Variants in BRSK1 observed in about 807,000 individuals in gnomAD.
BRSK1 encodes BR serine/threonine kinase 1, also known as serine/threonine-protein kinase BRSK1.
Under a neutral mutation model 86.2 loss-of-function variants are expected in BRSK1, and 17 were observed. The observed-to-expected ratio is 0.20, with a 90% CI of 0.14 to 0.30. The LOEUF (loss-of-function observed/expected upper bound fraction) is 0.30, where lower values mean the gene tolerates loss of function less well. Ranked by LOEUF, BRSK1 falls within the 10% of genes least tolerant of loss-of-function variation. BRSK1 has a pLI of 1.00. For missense variants in BRSK1, 719 were observed against 1,071.9 expected (o/e 0.67, Z 4.60); for synonymous variants, 464 against 440.1 (o/e 1.05, Z -0.68).
Position 55,284,025 on chromosome 19 carries a change from A to G in BRSK1, c.-418A>G. 2 of 1,234,368 alleles carry G rather than the reference A, an allele frequency of 1.6e-6. No individual in the cohort carries two copies. Among genetic ancestry groups the G allele is most frequent in the Non-Finnish European group, 1.0e-6 (1 of 989,842 alleles). 76.5% of individuals were successfully genotyped at this position (1,234,368 alleles called of 1,614,324 possible). A position where few individuals can be genotyped will look rare whatever the true frequency, so the allele number is the denominator to read the frequency against. On this transcript the variant is annotated 5_prime_UTR_variant, in exon 1 of 19. Transcript: ENST00000309383. ...TGGTGATGTCAGCGTGCCGGAGAGA[A>G]AGGACGAGGTGGCGGGGGGAGGCGG...
At position 55,311,937 on chromosome 19, in the gene BRSK1, C is replaced by T. The variant is rs1421891468; in HGVS notation, c.2206C>T (p.Pro736Ser). ...ADEKNGAQTR[P>S]AGAPPRSLQP... ...CGAGAAGAACGGGGCCCAGACCCGG[C>T]CTGCTGGTGCCCCACCCCGAAGCCT... Residue 736 changes from proline to serine, a missense_variant, in exon 19 of 19, where the codon CCT becomes TCT. This residue lies in a region of BRSK1 where 82 missense variants were observed against 72.6 expected (regional missense o/e 1.13). Coordinates refer to ENST00000309383, the MANE Select transcript of BRSK1 (RefSeq NM_032430.2). 6.2e-7 allele frequency: 1 copy of T among 1,611,502 alleles called. No individual in the cohort carries two copies. The highest frequency in any genetic ancestry group is 1.1e-5 in the South Asian group (1 of 90,938).
chr19:55,302,478 G>A lies in BRSK1; in HGVS notation c.858-219G>A, dbSNP rs563434562. 3.7e-4 allele frequency: 236 copies of A among 640,330 alleles called. No homozygotes were observed. The highest frequency in any genetic ancestry group is 5.8e-4 in the Non-Finnish European group (218 of 375,344). 39.7% of individuals were successfully genotyped at this position (640,330 alleles called of 1,614,324 possible). ...TTCTGGGTCTGAAGAAGGAGGGGCC[G>A]GGGGCCTGGACCCCTCGGTCGGAGG... On this transcript the variant is annotated intron_variant, in intron 9 of 18. Transcript: ENST00000309383. The surrounding 1 kb of genome is among the most constrained non-coding windows in gnomAD (Gnocchi z 6.3).
At chr19:55,300,675 TTAAAAA>T (rs1263899116) in intron 7 of BRSK1, among the ~76,000 whole-genome samples, 4 of 152,036 alleles carry the variant, frequency 2.6e-5, no homozygotes, top group African/African-American at 9.7e-5. Flanking sequence ...CCCGTCTCTA[TTAAAAA>T]TAAAAAAATT....
At position 55,284,288 on chromosome 19, in the gene BRSK1, G is replaced by T. The variant is rs1055177235; in HGVS notation, c.-155G>T. ...CCCCCAGCTCCGCGGCCCGCCGACT[G>T]GGGGGGGCCAGCCCAGCCCCCTGGG... On this transcript the variant is annotated 5_prime_UTR_variant, in exon 1 of 19. Transcript: ENST00000309383. 1.5e-4 allele frequency: 87 copies of T among 580,906 alleles called. No individual in the cohort carries two copies. Among genetic ancestry groups the T allele is most frequent in the Admixed American group, 2.3e-4 (5 of 21,776 alleles). 36.0% of individuals were successfully genotyped at this position (580,906 alleles called of 1,614,324 possible). A position where few individuals can be genotyped will look rare whatever the true frequency, so the allele number is the denominator to read the frequency against.
In BRSK1 at chr19:55,301,418, CCCTTA is replaced by C; in HGVS notation, c.679-93_679-89del. 6 of 1,459,374 alleles carry C rather than the reference CCCTTA, an allele frequency of 4.1e-6. No individual in the cohort carries two copies. The East Asian group carries it at 1.4e-4, about 35-fold the overall frequency. 90.4% of individuals were successfully genotyped at this position (1,459,374 alleles called of 1,614,324 possible). A position where few individuals can be genotyped will look rare whatever the true frequency, so the allele number is the denominator to read the frequency against. ...GCCTCTCTGTGCCTCAGTTTCCAACCCCTTAAGGTGGAGATCACCGTAGTTCCCCA... is the reference window on the plus strand; with the variant it reads ...GCCTCTCTGTGCCTCAGTTTCCAACCAGGTGGAGATCACCGTAGTTCCCCA... On this transcript the variant is annotated intron_variant, in intron 7 of 18. Transcript: ENST00000309383.
In BRSK1 at chr19:55,287,335, T is replaced by G; in HGVS notation, c.317+36T>G. 6.3e-7 allele frequency: 1 copy of G among 1,598,566 alleles called. No homozygotes were observed. The highest frequency in any genetic ancestry group is 8.6e-7 in the Non-Finnish European group (1 of 1,166,186). On this transcript the variant is annotated intron_variant, in intron 3 of 18. Transcript: ENST00000309383. This position sits in a 1 kb window ranked among gnomAD's most constrained non-coding sequence, Gnocchi z 5.3. ...ATAGACACCCAGCCCTACCCCATCC[T>G]CCCTCTCCAGGTTACCAGGGTGGGA...
rs371024412 is a variant in BRSK1, at chr19:55,311,122, C to T, written c.2180-789C>T. 1.8e-4 allele frequency among the ~76,000 whole-genome samples: 28 copies of T among 152,128 alleles called. No individual in the cohort carries two copies. In the South Asian group the frequency reaches 3.3e-3, roughly 18 times the overall value. On this transcript the variant is annotated intron_variant, in intron 18 of 18. Coordinates refer to ENST00000309383, the MANE Select transcript of BRSK1 (RefSeq NM_032430.2). Reference sequence around the variant, plus strand: ...GATTACAGGTGCGTGCCACCACACCCGGCTAATTTTTGTATTTTTAGTAGA... The same window carrying T: ...GATTACAGGTGCGTGCCACCACACCTGGCTAATTTTTGTATTTTTAGTAGA...
At chr19:55,296,540 G>T (rs967822357) in intron 7 of BRSK1, among the ~76,000 whole-genome samples, 4 of 151,904 alleles carry the variant, frequency 2.6e-5, no homozygotes, top group African/African-American at 9.7e-5. Context: ...CATCTCAAAA[G>T]AAAGTTAAGA....
rs913072325 is a variant in BRSK1 at position 55,302,237 on chromosome 19, G to T, written c.857+69G>T. 2.5e-6 allele frequency: 4 copies of T among 1,580,720 alleles called. No individual in the cohort carries two copies. The highest frequency in any genetic ancestry group is 1.1e-5 in the South Asian group (1 of 90,406). ...GGGGAGGGGCCAAAGCAGTAGAAGCGGCTGGGAGGGGTGGGATGCCAGGGT... is the reference window on the plus strand; with the variant it reads ...GGGGAGGGGCCAAAGCAGTAGAAGCTGCTGGGAGGGGTGGGATGCCAGGGT... On this transcript the variant is annotated intron_variant, in intron 9 of 18. Coordinates refer to ENST00000309383, the MANE Select transcript of BRSK1 (RefSeq NM_032430.2). This position sits in a 1 kb window ranked among gnomAD's most constrained non-coding sequence, Gnocchi z 6.3.
intron 17 of BRSK1, among the ~76,000 whole-genome samples, chr19:55,307,713 G>A (rs974649525): frequency 3.2e-4 from 45 of 141,924 alleles, no homozygotes; most frequent in Non-Finnish European, 5.6e-4. Context: ...CAACATAATG[G>A]ACCTCATCTC....
intron 7 of BRSK1, among the ~76,000 whole-genome samples, chr19:55,301,105 G>A (rs1167327377): frequency 1.3e-5 from 2 of 152,200 alleles, no homozygotes; most frequent in African/African-American, 2.4e-5. Context: ...CACCTCCTGG[G>A]AGAAGCCTCA....
Position 55,304,463 on chromosome 19 carries a change from C to G in BRSK1, c.1348-88C>G. ...CAAGTTGCAGCATGCACCGGGCCAG[C>G]GTCCGTGAGTGTGCGTGTGAGTGGG... On this transcript the variant is annotated intron_variant, in intron 13 of 18. Coordinates refer to ENST00000309383, the MANE Select transcript of BRSK1 (RefSeq NM_032430.2). The surrounding 1 kb of genome is among the most constrained non-coding windows in gnomAD (Gnocchi z 5.2). 2 of 1,396,430 alleles carry G rather than the reference C, an allele frequency of 1.4e-6. No individual in the cohort carries two copies. The highest frequency in any genetic ancestry group is 1.9e-6 in the Non-Finnish European group (2 of 1,054,326). The allele number at this position is 1,396,430 out of a possible 1,614,324, so 86.5% of individuals were successfully genotyped here.
At position 55,306,628 on chromosome 19, in the gene BRSK1, C is replaced by T. The variant is rs2088655012; in HGVS notation, c.2089+178C>T. 6.6e-6 allele frequency among the ~76,000 whole-genome samples: 1 copy of T among 152,204 alleles called. No homozygotes were observed. Among genetic ancestry groups the T allele is most frequent in the South Asian group, 2.1e-4 (1 of 4,826 alleles). On this transcript the variant is annotated intron_variant, in intron 17 of 18. Coordinates refer to ENST00000309383, the MANE Select transcript of BRSK1 (RefSeq NM_032430.2). The surrounding 1 kb of genome is among the most constrained non-coding windows in gnomAD (Gnocchi z 4.7). Reference sequence around the variant, plus strand: ...CCCACAAGCCCATCCTCTATTTCCCCACTCTCATCAGCATTTCCCTGGCAT... The same window carrying T: ...CCCACAAGCCCATCCTCTATTTCCCTACTCTCATCAGCATTTCCCTGGCAT...
At chr19:55,292,318 C>A (rs2088418429) in intron 4 of BRSK1, among the ~76,000 whole-genome samples, 2 of 152,170 alleles carry the variant, frequency 1.3e-5, no homozygotes, top group South Asian at 4.1e-4. Context: ...ATCAGCTTTA[C>A]CTCAAAATAG....
rs140041924 is a variant in BRSK1, at chr19:55,304,249, C to T, written c.1347+139C>T. 292 of 933,110 alleles carry T rather than the reference C, an allele frequency of 3.1e-4. No individual in the cohort carries two copies. In the African/African-American group the frequency reaches 4.4e-3, roughly 14 times the overall value. The allele number at this position is 933,110 out of a possible 1,614,324, so 57.8% of individuals were successfully genotyped here. A position where few individuals can be genotyped will look rare whatever the true frequency, so the allele number is the denominator to read the frequency against. On this transcript the variant is annotated intron_variant, in intron 13 of 18. Transcript: ENST00000309383. The surrounding 1 kb of genome is among the most constrained non-coding windows in gnomAD (Gnocchi z 5.2). ...CCCTGGAGGGCCAAAGACCCAAGGCCTCCAAAGTATTTTGGTCCATTGGCC... is the reference window on the plus strand; with the variant it reads ...CCCTGGAGGGCCAAAGACCCAAGGCTTCCAAAGTATTTTGGTCCATTGGCC...
At chr19:55,291,258 G>A (rs577986082) in intron 4 of BRSK1, among the ~76,000 whole-genome samples, 2 of 151,652 alleles carry the variant, frequency 1.3e-5, no homozygotes, top group Non-Finnish European at 2.9e-5. Flanking sequence ...TTTTTTTTTG[G>A]CTGGGCATGG....
At chr19:55,309,254 G>T (rs2088726991) in intron 18 of BRSK1, among the ~76,000 whole-genome samples, 1 of 152,164 alleles carries the variant, frequency 6.6e-6, no homozygotes, top group Non-Finnish European at 1.5e-5. Flanking sequence ...ATGGTCCCTA[G>T]CAACCAGAAT....
intron 7 of BRSK1, among the ~76,000 whole-genome samples, chr19:55,300,973 C>G (rs1409132655): frequency 6.6e-6 from 1 of 152,184 alleles, no homozygotes; most frequent in Admixed American, 6.6e-5. Flanking sequence ...GCAGCTGTAT[C>G]ACTCCCATCT....
At chr19:55,285,006 C>T (rs1181830559) in intron 1 of BRSK1, among the ~76,000 whole-genome samples, 2 of 146,250 alleles carry the variant, frequency 1.4e-5, no homozygotes, top group Non-Finnish European at 3.0e-5. Flanking sequence ...GCTTGGGGGC[C>T]TGGACTCCAG....
Sources: gnomAD v4.1 joint callset for allele counts (sites outside exome capture counted in the v4.1 genomes callset) on GRCh38, gnomAD v4.1.1 for gene constraint, gnomAD v4.1.1 regional missense constraint, Gnocchi (gnomAD v3.1) non-coding constraint, MANE v1.5 for transcripts, NCBI Gene and HGNC (gene_info 2026-07-23, HGNC 2026-07-21) for gene names.